Variants in USP29 observed in about 807,000 individuals in gnomAD.
USP29 encodes ubiquitin carboxyl-terminal hydrolase 29.
For missense variants in USP29, 1,102 were observed against 1,069.0 expected (o/e 1.03, Z -0.43); for synonymous variants, 386 against 387.4 (o/e 1.00, Z 0.04).
At chr19:57,121,700 T>TTA (rs991518672) in intron 1 of USP29, among the ~76,000 whole-genome samples, 5 of 147,462 alleles carry the variant, frequency 3.4e-5, no homozygotes, top group Non-Finnish European at 6.0e-5. Flanking sequence ...CTTACATATG[T>TTA]TATATATATA....
chr19:57,126,554 A>C (rs1480015884), intron 3 of USP29, among the ~76,000 whole-genome samples: 1 of 151,638 alleles, frequency 6.6e-6, no homozygotes, highest in Non-Finnish European at 1.5e-5. Flanking sequence ...TGATTTGGCT[A>C]TTGATACTTG....
In USP29 at chr19:57,128,074, G is replaced by A. The variant is rs1599917201; in HGVS notation, c.-16-586G>A. 2.0e-5 allele frequency among the ~76,000 whole-genome samples: 3 copies of A among 152,178 alleles called. No individual in the cohort carries two copies. In the East Asian group the frequency reaches 5.8e-4, roughly 29 times the overall value. On this transcript the variant is annotated intron_variant, in intron 3 of 3. Transcript: ENST00000254181. Reference sequence around the variant, plus strand: ...TGAGGCAATGCCCCACCCTGCTTCTGCTCGCCCTCCATGGGTTGCACCCAC... The same window carrying A: ...TGAGGCAATGCCCCACCCTGCTTCTACTCGCCCTCCATGGGTTGCACCCAC...
chr19:57,123,286 A>G (rs973881207), intron 2 of USP29, among the ~76,000 whole-genome samples: 2 of 152,240 alleles, frequency 1.3e-5, no homozygotes, highest in African/African-American at 4.8e-5. Flanking sequence ...GTAGTACAAC[A>G]AACAATAAAC....
chr19:57,128,012 G>C (rs1230948751), intron 3 of USP29, among the ~76,000 whole-genome samples: 2 of 151,296 alleles, frequency 1.3e-5, no homozygotes, highest in African/African-American at 4.9e-5. Flanking sequence ...TCCCTTGGCT[G>C]GGGGAGGGAG....
At position 57,130,951 on chromosome 19, in the gene USP29, A is replaced by G. The variant is rs763117420; in HGVS notation, c.2276A>G (p.Asp759Gly). The G allele has an allele frequency of 6.2e-7, 1 of 1,614,210 alleles. No homozygotes were observed. Among genetic ancestry groups the G allele is most frequent in the South Asian group, 1.1e-5 (1 of 91,084 alleles). The part of the protein sequence containing the change: ...QAPPPGVRKL[D>G]AQEHTEETLN... ...CCACCTCCAGGTGTTAGGAAGCTGG[A>G]TGCCCAGGAACATACAGAAGAGACC... The change falls in exon 4 of 4, where the codon GAT becomes GGT. Residue 759 changes from aspartate (D) to glycine (G), a missense_variant. Coordinates refer to ENST00000254181, the MANE Select transcript of USP29 (RefSeq NM_020903.3).
upstream of USP29, among the ~76,000 whole-genome samples, chr19:57,119,510 C>T (rs967868033): frequency 2.0e-4 from 30 of 152,278 alleles, no homozygotes; most frequent in African/African-American, 7.2e-4. Flanking sequence ...GCAACCTCCG[C>T]CTCCCGGGTT....
In USP29 at chr19:57,131,121, A is replaced by T. The variant is rs1178072814; in HGVS notation, c.2446A>T (p.Met816Leu). ...EAKELTRNVK[M>L]GDPLQAYRLI... is the part of the protein sequence containing the mutation. ...CAAGGAACTAACAAGAAACGTGAAG[A>T]TGGGGGATCCTCTCCAGGCCTACAG... Residue 816 changes from methionine to leucine, a missense_variant, in exon 4 of 4, where the codon ATG (methionine) becomes TTG (leucine). Met to Leu is a conservative substitution (Grantham distance 15). Transcript: ENST00000254181. The T allele has an allele frequency of 6.2e-7, 1 of 1,614,208 alleles. No homozygotes were observed.
chr19:57,129,019 A>T lies in USP29; in HGVS notation c.344A>T (p.Asp115Val). Residue 115 changes from aspartate to valine, a missense_variant, in exon 4 of 4, where the codon GAT (aspartate) becomes GTT (valine). Coordinates refer to ENST00000254181, the MANE Select transcript of USP29 (RefSeq NM_020903.3). ...TCTCAGCAACCCATGAAATCTGATG[A>T]TGATTGGAGTGTGTTTGAAAGCAGG... Reference protein sequence around the residue: ...NKSQQPMKSDDDWSVFESRNM... With the variant: ...NKSQQPMKSDVDWSVFESRNM... The T allele has an allele frequency of 6.2e-7, 1 of 1,614,142 alleles. No individual in the cohort carries two copies. The highest frequency in any genetic ancestry group is 1.1e-5 in the South Asian group (1 of 91,046).
chr19:57,128,552 C>A, intron 3 of USP29, 108 bp from the exon 4 acceptor site: 1 of 1,153,736 alleles, frequency 8.7e-7, no homozygotes, highest in Non-Finnish European at 1.2e-6. Flanking sequence ...TTACTTAGAG[C>A]ATAAGAAGAC....
chr19:57,120,602 C>A (rs2086789453), intron 1 of USP29, among the ~76,000 whole-genome samples: 1 of 151,580 alleles, frequency 6.6e-6, no homozygotes, highest in Non-Finnish European at 1.5e-5. Context: ...GCCTGACCAA[C>A]AAGGTGAAAC....
chr19:57,131,524 C>A lies in USP29; in HGVS notation c.*80C>A. On this transcript the variant is annotated 3_prime_UTR_variant, in exon 4 of 4. Transcript: ENST00000254181. ...TGCAAAGAGAATCCTGTACTTCACT[C>A]AGAATGAAGGAACAAGTATCTCAGG... The A allele has an allele frequency of 6.7e-7, 1 of 1,500,814 alleles. No homozygotes were observed. The highest frequency in any genetic ancestry group is 2.5e-4 in the Middle Eastern group (1 of 3,956). The allele number at this position is 1,500,814 out of a possible 1,614,324, so 93.0% of individuals were successfully genotyped here.
In USP29 at chr19:57,131,403, CAG is replaced by C. The variant is rs747743377; in HGVS notation, c.2729_2730del (p.Gln910ArgfsTer6). ...TAGCACACAGGCAGGGGTGATCCCT[CAG>C]GGGGAATACGAAGGTGACTCTTTGT... Reference protein sequence around the residue: ...LPSTQAGVIPQGEYEGDSLYR... With the variant: ...LPSTQAGVIPXGEYEGDSLYR... On this transcript the variant is annotated frameshift_variant, in exon 4 of 4. Transcript: ENST00000254181. LOFTEE classifies it low-confidence loss of function (END_TRUNC). 4 of 1,613,908 alleles carry C rather than the reference CAG, an allele frequency of 2.5e-6. No individual in the cohort carries two copies. Among genetic ancestry groups the C allele is most frequent in the East Asian group, 2.2e-5 (1 of 44,882 alleles).
At position 57,130,502 on chromosome 19, in the gene USP29, C is replaced by T. The variant is rs1555755195; in HGVS notation, c.1827C>T (p.Asp609=). 3.7e-6 allele frequency: 6 copies of T among 1,614,034 alleles called. No individual in the cohort carries two copies. The highest frequency in any genetic ancestry group is 2.2e-5 in the South Asian group (2 of 91,074). ...KNADLQRFQR[D]CGDASQEQHQ... ...CCGACCTACAAAGATTCCAGAGAGA[C>T]TGTGGAGATGCAAGCCAAGAGCAGC... The change falls in exon 4 of 4, where the codon GAC becomes GAT. Residue 609 remains aspartate (D), a synonymous_variant. Coordinates refer to ENST00000254181, the MANE Select transcript of USP29 (RefSeq NM_020903.3).
rs758622235 is a variant in USP29 at position 57,131,385 on chromosome 19, C to G, written c.2710C>G (p.Gln904Glu). Reference sequence around the variant, plus strand: ...AGAGAACTCTCGGCTACCTAGCACACAGGCAGGGGTGATCCCTCAGGGGGA... The same window carrying G: ...AGAGAACTCTCGGCTACCTAGCACAGAGGCAGGGGTGATCCCTCAGGGGGA... ...KAENSRLPST[Q>E]AGVIPQGEYE... is the part of the protein sequence containing the mutation. The change falls in exon 4 of 4, where the codon CAG (glutamine) becomes GAG (glutamate). Residue 904 changes from glutamine to glutamate, a missense_variant. By Grantham distance (29) the Gln-to-Glu change is conservative. Coordinates refer to ENST00000254181, the MANE Select transcript of USP29 (RefSeq NM_020903.3). The G allele has an allele frequency of 6.2e-7, 1 of 1,614,004 alleles. No individual in the cohort carries two copies. Among genetic ancestry groups the G allele is most frequent in the Non-Finnish European group, 8.5e-7 (1 of 1,180,028 alleles).
At chr19:57,125,628 C>T (rs1282452405) in intron 3 of USP29, among the ~76,000 whole-genome samples, 1 of 151,956 alleles carries the variant, frequency 6.6e-6, no homozygotes, top group East Asian at 2.0e-4. Flanking sequence ...AAATATTCCT[C>T]CATCCCTTTA....
At chr19:57,119,548 G>A (rs542241565), upstream of USP29, among the ~76,000 whole-genome samples, 83 of 152,128 alleles carry the variant, frequency 5.5e-4, 1 homozygote, top group Middle Eastern at 3.4e-3. Context: ...TCAGCCTCCC[G>A]AGTAGCTGGG....
At position 57,131,792 on chromosome 19, in the gene USP29, G is replaced by A. The variant is rs1422181647; in HGVS notation, c.*348G>A. ...AGACCAACTGATGCAGAAACAGGAG[G>A]TGTGAGCCAGCAATCAGATGGAGAT... On this transcript the variant is annotated 3_prime_UTR_variant, in exon 4 of 4. Transcript: ENST00000254181. 4.3e-5 allele frequency: 10 copies of A among 232,040 alleles called. No individual in the cohort carries two copies. The highest frequency in any genetic ancestry group is 1.1e-4 in the East Asian group (1 of 9,326). The allele number at this position is 232,040 out of a possible 1,614,324, so 14.4% of individuals were successfully genotyped here. A position where few individuals can be genotyped will look rare whatever the true frequency, so the allele number is the denominator to read the frequency against.
Position 57,121,460 on chromosome 19 carries a change from C to CTTATATATG in USP29, c.-267-860_-267-859insTATGTTATA, listed in dbSNP as rs1397175455. 4.2e-4 allele frequency among the ~76,000 whole-genome samples: 59 copies of CTTATATATG among 139,222 alleles called. 5 individuals carry two copies. The highest frequency in any genetic ancestry group is 9.0e-4 in the South Asian group (4 of 4,458). 91.3% of individuals were successfully genotyped at this position (139,222 alleles called of 152,430 possible). ...TATATACTTATATATGTTATATATA[C>CTTATATATG]TTATACATGTTATACATACTTATAT... is the stretch of plus-strand genomic sequence containing the variant. On this transcript the variant is annotated intron_variant, in intron 1 of 3. Coordinates refer to ENST00000254181, the MANE Select transcript of USP29 (RefSeq NM_020903.3).
At chr19:57,127,386 A>T (rs946209673) in intron 3 of USP29, among the ~76,000 whole-genome samples, 13 of 152,246 alleles carry the variant, frequency 8.5e-5, no homozygotes, top group Admixed American at 8.5e-4. Flanking sequence ...GCCCACAGCC[A>T]CCCCTTCCCC....
Sources: gnomAD v4.1 joint callset for allele counts (sites outside exome capture counted in the v4.1 genomes callset) on GRCh38, gnomAD v4.1.1 for gene constraint, MANE v1.5 for transcripts, NCBI Gene and HGNC (gene_info 2026-07-23, HGNC 2026-07-21) for gene names.